The following COL4A2 variants were observed in gnomAD, a reference collection of about 807,000 sequenced individuals.
COL4A2 encodes the protein collagen alpha-2(IV) chain.
In COL4A2, 99 loss-of-function variants were observed where a neutral mutation model predicts 200.2. That is an observed-to-expected ratio of 0.49 (90% CI 0.42 to 0.58). The LOEUF is 0.58. Ranked by LOEUF, COL4A2 falls within the 20% of genes least tolerant of loss-of-function variation. The probability of loss-of-function intolerance (pLI) is 0.00; values close to 1 mark genes in which losing one functional copy is unlikely to be tolerated. For synonymous variants in COL4A2, 897 were observed against 900.6 expected (o/e 1.00, Z 0.07); for missense variants, 1,950 against 2,314.1 (o/e 0.84, Z 3.23).
At position 110,457,006 on chromosome 13, in the gene COL4A2, G is replaced by A. The variant is rs1429746067; in HGVS notation, c.1340-337G>A. On this transcript the variant is annotated intron_variant, in intron 20 of 47. Coordinates refer to ENST00000360467, the MANE Select transcript of COL4A2 (RefSeq NM_001846.4). Reference sequence around the variant, plus strand: ...GCCCTGCGTCTGCGTGGGACCCCAGGCGTCCGTGGGGCTGATGCCCTGCGT... The same window carrying A: ...GCCCTGCGTCTGCGTGGGACCCCAGACGTCCGTGGGGCTGATGCCCTGCGT... The A allele has an allele frequency of 1.5e-5, 5 of 335,274 alleles. No homozygotes were observed. In the African/African-American group the frequency reaches 2.6e-4, roughly 18 times the overall value. 20.8% of individuals were successfully genotyped at this position (335,274 alleles called of 1,614,324 possible).
intron 13 of COL4A2, among the ~76,000 whole-genome samples, chr13:110,436,987 T>C (rs998016108): frequency 6.6e-6 from 1 of 152,176 alleles, no homozygotes; most frequent in Non-Finnish European, 1.5e-5. Flanking sequence ...CTCCTGGAGC[T>C]GACGAGGAGG....
chr13:110,512,289 A>C lies in COL4A2; in HGVS notation c.*98A>C. The C allele has an allele frequency of 2.1e-6, 3 of 1,454,568 alleles. No homozygotes were observed. Among genetic ancestry groups the C allele is most frequent in the Non-Finnish European group, 2.7e-6 (3 of 1,109,898 alleles). 90.1% of individuals were successfully genotyped at this position (1,454,568 alleles called of 1,614,324 possible). On this transcript the variant is annotated 3_prime_UTR_variant, in exon 48 of 48. Transcript: ENST00000360467. ...TGGTTTTATTTTTTTCTTAAAAAAAAAAAAGTCTACCAAAGGAATTTGCAT... is the reference window on the plus strand; with the variant it reads ...TGGTTTTATTTTTTTCTTAAAAAAACAAAAGTCTACCAAAGGAATTTGCAT...
At chr13:110,359,100 C>T (rs1877410583) in intron 4 of COL4A2, among the ~76,000 whole-genome samples, 2 of 152,148 alleles carry the variant, frequency 1.3e-5, no homozygotes, top group Admixed American at 1.3e-4. Flanking sequence ...TCATTGCTAA[C>T]AATTCTCACT....
At chr13:110,398,945 A>G (rs922612555) in intron 4 of COL4A2, among the ~76,000 whole-genome samples, 2 of 152,012 alleles carry the variant, frequency 1.3e-5, no homozygotes, top group African/African-American at 4.8e-5. Context: ...GCTCACTTAG[A>G]CCATTTTATC....
intron 4 of COL4A2, among the ~76,000 whole-genome samples, chr13:110,374,061 C>A (rs766291880): frequency 6.6e-6 from 1 of 152,172 alleles, no homozygotes; most frequent in South Asian, 2.1e-4. Flanking sequence ...AATCGTGTCA[C>A]GTCCAATTTT....
At chr13:110,362,620 C>T (rs1457151950) in intron 4 of COL4A2, among the ~76,000 whole-genome samples, 1 of 152,178 alleles carries the variant, frequency 6.6e-6, no homozygotes, top group Non-Finnish European at 1.5e-5. Flanking sequence ...CACACCCAGC[C>T]TTCTTTTTCT....
chr13:110,333,924 T>C (rs1279421955), intron 3 of COL4A2, among the ~76,000 whole-genome samples: 1 of 152,242 alleles, frequency 6.6e-6, no homozygotes, highest in Non-Finnish European at 1.5e-5. Context: ...TAGGAACTAA[T>C]GTCATCCTCA....
chr13:110,451,233 A>G (rs1172383290), intron 20 of COL4A2, among the ~76,000 whole-genome samples: 1 of 152,264 alleles, frequency 6.6e-6, no homozygotes, highest in Non-Finnish European at 1.5e-5. Context: ...CTGTTCTTTC[A>G]GCTTCAGCAT....
Position 110,357,457 on chromosome 13 carries a change from G to GT in COL4A2, c.100-11dup, listed in dbSNP as rs1340175776. 1.3e-6 allele frequency: 2 copies of GT among 1,577,642 alleles called. No individual in the cohort carries two copies. Among genetic ancestry groups the GT allele is most frequent in the Non-Finnish European group, 1.7e-6 (2 of 1,159,102 alleles). On this transcript the variant is annotated splice_polypyrimidine_tract_variant and intron_variant, in intron 3 of 47. Transcript: ENST00000360467. ...TTTAGGTAACTTTTCTTTGCCTTGT[G>GT]TTTTATTGTTGCAGGGTGTGAAGAA...
At chr13:110,310,834 T>C (rs1884957666) in intron 3 of COL4A2, among the ~76,000 whole-genome samples, 1 of 152,166 alleles carries the variant, frequency 6.6e-6, no homozygotes, top group Non-Finnish European at 1.5e-5. Flanking sequence ...CTTCTAATCC[T>C]CACAAGCAAG....
intron 20 of COL4A2, among the ~76,000 whole-genome samples, chr13:110,453,268 G>A (rs1355460561): frequency 2.0e-5 from 3 of 152,042 alleles, no homozygotes; most frequent in Middle Eastern, 3.2e-3. Flanking sequence ...TGGGAAAGCC[G>A]AGGGGGGCCG....
intron 34 of COL4A2, among the ~76,000 whole-genome samples, chr13:110,488,001 T>C: frequency 6.6e-6 from 1 of 152,178 alleles, no homozygotes; most frequent in South Asian, 2.1e-4. Flanking sequence ...ACCCTCCCCC[T>C]TCCTCCCACA....
chr13:110,436,509 G>A (rs1021325845), intron 13 of COL4A2, 142 bp downstream of exon 13: 1 of 1,154,724 alleles, frequency 8.7e-7, no homozygotes, highest in African/African-American at 1.6e-5. Flanking sequence ...AACATAACCG[G>A]GTCCTCCCAG....
At chr13:110,355,521 G>A (rs1253414848) in intron 3 of COL4A2, among the ~76,000 whole-genome samples, 3 of 89,554 alleles carry the variant, frequency 3.3e-5, no homozygotes, top group Admixed American at 9.9e-5. Context: ...TGTGTGTGGG[G>A]GAGGGCTGCA....
intron 3 of COL4A2, among the ~76,000 whole-genome samples, chr13:110,331,954 T>C (rs61964294): frequency 0.086 from 13,096 of 152,242 alleles, 572 homozygotes; most frequent in East Asian, 0.16. Context: ...TTTTCTGTCT[T>C]AATGATGTCC....
chr13:110,452,914 C>G (rs182590064), intron 20 of COL4A2, among the ~76,000 whole-genome samples: 1 of 152,132 alleles, frequency 6.6e-6, no homozygotes, highest in Admixed American at 6.5e-5. Context: ...AGGCATGCAC[C>G]ACCACCATGC....
chr13:110,414,579 C>T (rs948123177), intron 4 of COL4A2, among the ~76,000 whole-genome samples: 1 of 152,194 alleles, frequency 6.6e-6, no homozygotes, highest in African/African-American at 2.4e-5. Flanking sequence ...CTCACGCTGC[C>T]GACCCCCCCG....
intron 4 of COL4A2, among the ~76,000 whole-genome samples, chr13:110,396,522 G>T (rs1293883581): frequency 2.0e-5 from 3 of 152,184 alleles, no homozygotes; most frequent in Non-Finnish European, 4.4e-5. Context: ...AAAGCTCCAG[G>T]AGTGGTAGAA....
intron 41 of COL4A2, chr13:110,502,825 G>C: frequency 3.1e-6 from 1 of 320,156 alleles, no homozygotes; most frequent in Non-Finnish European, 5.7e-6. Flanking sequence ...AGAGGGACAC[G>C]GGGAGTGCGT....
Sources: gnomAD v4.1 joint callset for allele counts (sites outside exome capture counted in the v4.1 genomes callset) on GRCh38, gnomAD v4.1.1 for gene constraint, MANE v1.5 for transcripts, NCBI Gene and HGNC (gene_info 2026-07-23, HGNC 2026-07-21) for gene names.